The following DSCAML1 variants were observed in gnomAD, a reference collection of about 807,000 sequenced individuals.
DSCAML1 encodes DS cell adhesion molecule like 1, also known as cell adhesion molecule DSCAML1.
A neutral mutation model predicts 200.5 loss-of-function variants in DSCAML1; 38 were observed. That is an observed-to-expected ratio of 0.19 (90% CI 0.15 to 0.25). The LOEUF is 0.25. DSCAML1 is among the 10% of genes least tolerant of loss of function. The pLI is 1.00. For synonymous variants in DSCAML1, 1,215 were observed against 1,165.0 expected, an observed-to-expected ratio of 1.04 and a Z score of -0.87; for missense variants, 2,223 against 2,858.8, an observed-to-expected ratio of 0.78 and a Z score of 5.07.
At chr11:117,726,871 T>C (rs112588516) in intron 3 of DSCAML1, among the ~76,000 whole-genome samples, 39 of 152,136 alleles carry the variant, frequency 2.6e-4, no homozygotes, top group African/African-American at 8.9e-4. Flanking sequence ...AGCAGCTCTA[T>C]AGGGACAGGA....
intron 3 of DSCAML1, among the ~76,000 whole-genome samples, chr11:117,689,579 G>T (rs2053460936): frequency 6.6e-6 from 1 of 152,202 alleles, no homozygotes; most frequent in Non-Finnish European, 1.5e-5. Context: ...CTCAGCTTCT[G>T]GGGTGCTTAG....
chr11:117,622,929 G>A (rs1384027295), intron 3 of DSCAML1, among the ~76,000 whole-genome samples: 1 of 152,168 alleles, frequency 6.6e-6, no homozygotes, highest in African/African-American at 2.4e-5. Flanking sequence ...GCTGCAAGGT[G>A]TACACATATA....
At chr11:117,627,711 A>C (rs2052082830) in intron 3 of DSCAML1, among the ~76,000 whole-genome samples, 1 of 152,086 alleles carries the variant, frequency 6.6e-6, no homozygotes, top group Admixed American at 6.5e-5. Flanking sequence ...GAAGTTTTGA[A>C]GGCGGTTCCA....
chr11:117,707,615 C>T (rs1410136531), intron 3 of DSCAML1, among the ~76,000 whole-genome samples: 3 of 152,160 alleles, frequency 2.0e-5, no homozygotes, highest in African/African-American at 7.2e-5. Context: ...CTCACTGCAA[C>T]CTCTGCCTTC....
chr11:117,528,560 G>C (rs1305668900), intron 4 of DSCAML1, among the ~76,000 whole-genome samples: 1 of 152,144 alleles, frequency 6.6e-6, no homozygotes, highest in Non-Finnish European at 1.5e-5. Flanking sequence ...AGATGCCCTG[G>C]GGAGGCTGCT....
intron 8 of DSCAML1, among the ~76,000 whole-genome samples, chr11:117,510,700 T>A (rs1295417752): frequency 6.6e-6 from 1 of 152,170 alleles, no homozygotes; most frequent in Non-Finnish European, 1.5e-5. Flanking sequence ...CATAGCTGTA[T>A]TCATAGAACC....
chr11:117,444,121 A>C, intron 20 of DSCAML1, 82 bp from the exon 21 acceptor site: 6 of 1,472,596 alleles, frequency 4.1e-6, no homozygotes, highest in Non-Finnish European at 5.5e-6. Context: ...CCCGGGGCTC[A>C]GAGGAGAGGA....
At chr11:117,530,895 C>T (rs556070634) in intron 4 of DSCAML1, among the ~76,000 whole-genome samples, 2 of 152,258 alleles carry the variant, frequency 1.3e-5, no homozygotes, top group African/African-American at 2.4e-5. Flanking sequence ...CGTTCATCCC[C>T]GTTCCAAAAA....
chr11:117,567,621 A>G (rs947678058), intron 3 of DSCAML1, among the ~76,000 whole-genome samples: 8 of 152,344 alleles, frequency 5.3e-5, no homozygotes, highest in Admixed American at 4.6e-4. Flanking sequence ...TAGAAAATCT[A>G]GAAGAAATGG....
rs747904753 is a variant in DSCAML1 at position 117,428,634 on chromosome 11, G to A, written c.5856C>T (p.Ser1952=). The change falls in exon 33 of 33, where the codon TCC becomes TCT. Residue 1952 remains serine, a synonymous_variant. Transcript: ENST00000651296. ...GGGCCCCTGGGTGGGGAAGGCCCAA[G>A]GACTTGCTGGCAGGGTCCAGGGTCA... ...RHLTLDPASK[S]LGLPHPGAPA... is the part of the protein sequence containing the mutation. 20 of 1,610,886 alleles carry A rather than the reference G, an allele frequency of 1.2e-5. No homozygotes were observed. The highest frequency in any genetic ancestry group is 1.7e-5 in the Non-Finnish European group (20 of 1,178,944).
intron 3 of DSCAML1, among the ~76,000 whole-genome samples, chr11:117,735,821 CCCAGGGCT>C (rs537837929): frequency 1.4e-3 from 212 of 152,284 alleles, no homozygotes; most frequent in African/African-American, 4.8e-3. Flanking sequence ...TCCCCCAAGC[CCCAGGGCT>C]CCTGGAAAGG....
At chr11:117,741,819 T>C (rs1212496314) in intron 3 of DSCAML1, among the ~76,000 whole-genome samples, 1 of 152,120 alleles carries the variant, frequency 6.6e-6, no homozygotes, top group African/African-American at 2.4e-5. Flanking sequence ...GACTCTTGCA[T>C]CCTGAGGGAT....
At chr11:117,687,095 G>A (rs1030968890) in intron 3 of DSCAML1, among the ~76,000 whole-genome samples, 1 of 152,104 alleles carries the variant, frequency 6.6e-6, no homozygotes, top group Non-Finnish European at 1.5e-5. Flanking sequence ...GATGGGGGCA[G>A]GCAGAAGGCC....
chr11:117,542,317 CAA>C (rs766192841), intron 3 of DSCAML1, among the ~76,000 whole-genome samples: 5 of 102,112 alleles, frequency 4.9e-5, no homozygotes, highest in African/African-American at 1.7e-4. Flanking sequence ...CAAAACAAAA[CAA>C]AACAAAACAC....
At chr11:117,531,454 C>T (rs75074207) in intron 4 of DSCAML1, among the ~76,000 whole-genome samples, 72 of 152,234 alleles carry the variant, frequency 4.7e-4, no homozygotes, top group African/African-American at 1.1e-3. Flanking sequence ...CTATCCCTCC[C>T]GAGAAGCTAT....
At chr11:117,556,330 C>A (rs768962955) in intron 3 of DSCAML1, among the ~76,000 whole-genome samples, 3 of 152,012 alleles carry the variant, frequency 2.0e-5, no homozygotes, top group Non-Finnish European at 4.4e-5. Flanking sequence ...CTTTGAATGC[C>A]GGGGCAAGGG....
At chr11:117,767,097 G>A (rs73587434) in intron 3 of DSCAML1, among the ~76,000 whole-genome samples, 254 of 152,212 alleles carry the variant, frequency 1.7e-3, no homozygotes, top group African/African-American at 5.5e-3. Context: ...AGATGATGCC[G>A]GTGAACGGGC....
Position 117,505,423 on chromosome 11 carries a change from C to A in DSCAML1, c.2062+31G>T. The stretch of plus-strand genomic sequence containing the variant: ...TAGCAGCAGGCAGAATGGGCTCCTC[C>A]CTCCCCTGAGGCTGGCCTGTCCCTG... On this transcript the variant is annotated intron_variant, in intron 9 of 32. Coordinates refer to ENST00000651296, the MANE Select transcript of DSCAML1 (RefSeq NM_020693.4). The surrounding 1 kb of genome is among the most constrained non-coding windows in gnomAD (Gnocchi z 6.7). 1 of 1,596,978 alleles carries A rather than the reference C, an allele frequency of 6.3e-7. No homozygotes were observed. The highest frequency in any genetic ancestry group is 8.5e-7 in the Non-Finnish European group (1 of 1,174,352).
intron 3 of DSCAML1, among the ~76,000 whole-genome samples, chr11:117,621,634 G>T (rs143851052): frequency 1.1e-3 from 171 of 152,280 alleles, no homozygotes; most frequent in Non-Finnish European, 1.8e-3. Context: ...CCAAGAATAT[G>T]GCTATATATA....
Sources: allele counts gnomAD v4.1 joint callset (sites outside exome capture counted in the v4.1 genomes callset), GRCh38; gene constraint gnomAD v4.1.1; non-coding constraint Gnocchi (gnomAD v3.1); transcripts MANE v1.5; gene names NCBI Gene and HGNC (gene_info 2026-07-23, HGNC 2026-07-21).